The following GSG1L variants were observed in gnomAD, a reference collection of about 807,000 sequenced individuals.
The protein encoded by GSG1L is GSG1 like.
In GSG1L, 24 loss-of-function variants were observed where a neutral mutation model predicts 42.1. That is an observed-to-expected ratio of 0.57 (90% CI 0.41 to 0.80). The LOEUF (loss-of-function observed/expected upper bound fraction) is 0.80, where lower values mean the gene tolerates loss of function less well. GSG1L is among the 30% of genes least tolerant of loss of function. The probability of loss-of-function intolerance (pLI) is 0.00; values close to 1 mark genes in which losing one functional copy is unlikely to be tolerated. For missense variants in GSG1L, 445 were observed against 472.2 expected (o/e 0.94, Z 0.53); for synonymous variants, 215 against 203.5 (o/e 1.06, Z -0.48).
chr16:27,791,541 AC>A, intron 6 of GSG1L, 74 bp from the exon 7 acceptor site: 1 of 936,742 alleles, frequency 1.1e-6, no homozygotes. Context: ...ACCGCCCCCC[AC>A]CCACACATCC....
At chr16:27,947,958 G>A (rs1321151756) in intron 2 of GSG1L, among the ~76,000 whole-genome samples, 1 of 152,168 alleles carries the variant, frequency 6.6e-6, no homozygotes, top group Admixed American at 6.5e-5. Context: ...CCTGAGGCTG[G>A]AGGGCCTCAG....
chr16:27,863,873 C>T (rs912073552), intron 3 of GSG1L, among the ~76,000 whole-genome samples: 2 of 152,214 alleles, frequency 1.3e-5, no homozygotes, highest in Non-Finnish European at 2.9e-5. Context: ...GACTCATAAT[C>T]ACAAGTGGTG....
intron 2 of GSG1L, among the ~76,000 whole-genome samples, chr16:27,886,805 C>T (rs995221317): frequency 6.6e-6 from 1 of 152,224 alleles, no homozygotes; most frequent in Non-Finnish European, 1.5e-5. Context: ...AAGACCCACA[C>T]TTTAGAGAAG....
chr16:28,004,002 G>T (rs1382094762), intron 1 of GSG1L, among the ~76,000 whole-genome samples: 2 of 152,260 alleles, frequency 1.3e-5, no homozygotes, highest in African/African-American at 4.8e-5. Flanking sequence ...CGGCACAGCT[G>T]CTGGTGCCCA....
chr16:27,928,801 C>T (rs1202478898), intron 2 of GSG1L, among the ~76,000 whole-genome samples: 1 of 152,234 alleles, frequency 6.6e-6, no homozygotes, highest in African/African-American at 2.4e-5. Flanking sequence ...GACCAGACAC[C>T]AGCCGGCGCT....
chr16:27,965,394 T>A (rs2141110465), intron 1 of GSG1L, among the ~76,000 whole-genome samples: 1 of 152,320 alleles, frequency 6.6e-6, no homozygotes, highest in East Asian at 1.9e-4. Flanking sequence ...GTCACATTGG[T>A]ATAGAGACTA....
chr16:27,828,168 C>T (rs2083234908), intron 5 of GSG1L, among the ~76,000 whole-genome samples: 1 of 151,872 alleles, frequency 6.6e-6, no homozygotes, highest in African/African-American at 2.4e-5. Context: ...CACCCGCTCA[C>T]CTGTCCAGCC....
intron 2 of GSG1L, among the ~76,000 whole-genome samples, chr16:27,942,547 T>C (rs553712245): frequency 1.3e-5 from 2 of 152,244 alleles, no homozygotes; most frequent in Admixed American, 1.3e-4. Flanking sequence ...TTATCGTGTG[T>C]AAAAAAGACT....
At chr16:27,946,133 C>G (rs112832146) in intron 2 of GSG1L, among the ~76,000 whole-genome samples, 2,433 of 152,306 alleles carry the variant, frequency 0.016, 66 homozygotes, top group African/African-American at 0.056. Flanking sequence ...ACAGGACTGA[C>G]GGGATACGTC....
intron 3 of GSG1L, among the ~76,000 whole-genome samples, chr16:27,858,852 A>C (rs2083609482): frequency 6.6e-6 from 1 of 152,238 alleles, no homozygotes; most frequent in Non-Finnish European, 1.5e-5. Context: ...GTGAAGGCAA[A>C]GAACGGGATA....
At chr16:27,912,857 C>A (rs971917775) in intron 2 of GSG1L, among the ~76,000 whole-genome samples, 1 of 152,098 alleles carries the variant, frequency 6.6e-6, no homozygotes, top group Non-Finnish European at 1.5e-5. Context: ...AAATGGTTAT[C>A]GACAGTAGAA....
At chr16:27,846,333 G>T (rs543720423) in intron 3 of GSG1L, among the ~76,000 whole-genome samples, 1 of 152,172 alleles carries the variant, frequency 6.6e-6, no homozygotes, top group African/African-American at 2.4e-5. Flanking sequence ...CTGCTCAGAA[G>T]GGTGTTGACC....
intron 4 of GSG1L, among the ~76,000 whole-genome samples, chr16:27,837,269 A>C (rs562633059): frequency 6.6e-6 from 1 of 152,282 alleles, no homozygotes; most frequent in Non-Finnish European, 1.5e-5. Context: ...CTATCACAAG[A>C]ACAGCATGGG....
intron 2 of GSG1L, among the ~76,000 whole-genome samples, chr16:27,889,196 C>T (rs1388381887): frequency 6.6e-6 from 1 of 152,024 alleles, no homozygotes. Flanking sequence ...CACTATGTTG[C>T]TCAGGCTGGT....
intron 2 of GSG1L, among the ~76,000 whole-genome samples, chr16:27,956,322 G>C (rs961422565): frequency 3.9e-5 from 6 of 152,180 alleles, no homozygotes; most frequent in Admixed American, 6.5e-5. Flanking sequence ...GTCACTTTGG[G>C]AGAAATAAAG....
intron 1 of GSG1L, among the ~76,000 whole-genome samples, chr16:28,016,536 CTA>C (rs934016722): frequency 1.3e-5 from 2 of 152,152 alleles, no homozygotes; most frequent in African/African-American, 4.8e-5. Context: ...TACCCCAACT[CTA>C]TTTTTCTCAT....
chr16:27,992,267 C>T (rs757189984), intron 1 of GSG1L, among the ~76,000 whole-genome samples: 1 of 152,116 alleles, frequency 6.6e-6, no homozygotes, highest in Non-Finnish European at 1.5e-5. Context: ...GAGGCCGAAG[C>T]GGGTGGATCA....
chr16:27,891,104 T>A (rs2084120010), intron 2 of GSG1L, among the ~76,000 whole-genome samples: 1 of 151,992 alleles, frequency 6.6e-6, no homozygotes, highest in Non-Finnish European at 1.5e-5. Flanking sequence ...CCTGCCCCCA[T>A]CCCCAGAAGC....
intron 5 of GSG1L, among the ~76,000 whole-genome samples, chr16:27,815,730 C>T (rs796966679): frequency 8.5e-5 from 13 of 152,288 alleles, no homozygotes; most frequent in African/African-American, 2.9e-4. Flanking sequence ...TATACCTATT[C>T]TTCTGGTTAT....
Sources: allele counts gnomAD v4.1 joint callset (sites outside exome capture counted in the v4.1 genomes callset), GRCh38; gene constraint gnomAD v4.1.1; transcripts MANE v1.5; gene names NCBI Gene and HGNC (gene_info 2026-07-23, HGNC 2026-07-21).